Variants in HNRNPD observed in about 807,000 individuals in gnomAD.
HNRNPD encodes the protein heterogeneous nuclear ribonucleoprotein D0.
Under a neutral mutation model 47.9 loss-of-function variants are expected in HNRNPD, and 3 were observed. The observed-to-expected ratio is 0.06, with a 90% CI of 0.03 to 0.16. HNRNPD has a LOEUF of 0.16. HNRNPD is among the 10% of genes least tolerant of loss of function. HNRNPD has a pLI of 1.00. For missense variants in HNRNPD, 287 were observed against 454.2 expected, an observed-to-expected ratio of 0.63 and a Z score of 3.35; for synonymous variants, 171 against 165.1, an observed-to-expected ratio of 1.04 and a Z score of -0.28.
At chr4:82,354,809 A>C (rs1423639890) in intron 8 of HNRNPD, 1 of 152,996 alleles carries the variant, frequency 6.5e-6, no homozygotes, top group Non-Finnish European at 1.5e-5. Context: ...AATAGTTTTT[A>C]AAAAGCAAAG....
chr4:82,367,069 G>A (rs1169611362), intron 2 of HNRNPD, among the ~76,000 whole-genome samples: 1 of 125,502 alleles, frequency 8.0e-6, no homozygotes, highest in Admixed American at 8.6e-5. Flanking sequence ...GTCATATTAT[G>A]TTGCCTAGCT....
chr4:82,355,356 T>G lies in HNRNPD; in HGVS notation c.1046A>C (p.Gln349Pro). 6.2e-7 allele frequency: 1 copy of G among 1,613,840 alleles called. No homozygotes were observed. Among genetic ancestry groups the G allele is most frequent in the Non-Finnish European group, 8.5e-7 (1 of 1,179,704 alleles). ...YGKVSRRGGH[Q>P]NSYKPY is the part of the protein sequence containing the mutation. The stretch of plus-strand genomic sequence containing the variant: ...AATTTAGTATGGTTTGTAGCTATTT[T>G]GATGACCACCTCGCCTGGATACCTT... Residue 349 changes from glutamine to proline, a missense_variant, in exon 8 of 9, where the codon CAA becomes CCA. Transcript: ENST00000313899.
intron 2 of HNRNPD, among the ~76,000 whole-genome samples, chr4:82,369,051 C>T (rs1442834981): frequency 6.6e-6 from 1 of 152,188 alleles, no homozygotes; most frequent in Non-Finnish European, 1.5e-5. Flanking sequence ...GCAGGAAAGT[C>T]TATGTACCTA....
chr4:82,356,942 G>C, intron 5 of HNRNPD, 47 bp from the exon 6 acceptor site: 1 of 1,501,446 alleles, frequency 6.7e-7, no homozygotes, highest in Non-Finnish European at 9.3e-7. Context: ...GAAAATAAAA[G>C]TTGCTAAATA....
intron 2 of HNRNPD, among the ~76,000 whole-genome samples, chr4:82,365,817 G>C (rs1275252365): frequency 8.9e-6 from 1 of 112,152 alleles, no homozygotes; most frequent in Non-Finnish European, 1.7e-5. Flanking sequence ...ATCTCATCAT[G>C]TTGCCCAGGC....
chr4:82,353,103 C>T lies in HNRNPD; in HGVS notation c.*1082G>A, dbSNP rs1723568447. On this transcript the variant is annotated 3_prime_UTR_variant, in exon 9 of 9. Transcript: ENST00000313899. ...GTATCAATTCCCTGAATGCTAATAA[C>T]AGAACTCAAGAAGCTTCCAACAAAT... is the stretch of plus-strand genomic sequence containing the variant. 6.6e-6 allele frequency: 1 copy of T among 152,140 alleles called. No homozygotes were observed. The highest frequency in any genetic ancestry group is 6.6e-5 in the Admixed American group (1 of 15,264). The allele number at this position is 152,140 out of a possible 1,614,324, so 9.4% of individuals were successfully genotyped here. A position where few individuals can be genotyped will look rare whatever the true frequency, so the allele number is the denominator to read the frequency against.
intron 7 of HNRNPD, 75 bp downstream of exon 7, chr4:82,356,462 C>A: frequency 8.0e-7 from 1 of 1,256,028 alleles, no homozygotes; most frequent in Non-Finnish European, 1.1e-6. Context: ...CAAGGCTACA[C>A]TAACCTTTCT....
chr4:82,355,321 CA>C lies in HNRNPD; in HGVS notation c.*12del. 2 of 1,604,414 alleles carry C rather than the reference CA, an allele frequency of 1.2e-6. No individual in the cohort carries two copies. Among genetic ancestry groups the C allele is most frequent in the South Asian group, 2.2e-5 (2 of 90,646 alleles). On this transcript the variant is annotated 3_prime_UTR_variant, in exon 8 of 9. Coordinates refer to ENST00000313899, the MANE Select transcript of HNRNPD (RefSeq NM_031370.3). The stretch of plus-strand genomic sequence containing the variant: ...GAACATACCTGTTGGGGATAAGTTG[CA>C]AATGGAATAATTTAGTATGGTTTGT...
At chr4:82,356,331 A>G in intron 7 of HNRNPD, 1 of 493,524 alleles carries the variant, frequency 2.0e-6, no homozygotes, top group South Asian at 3.9e-5. Context: ...ACATATATAG[A>G]ACCACACATA....
At chr4:82,361,393 A>G (rs139872884) in intron 2 of HNRNPD, among the ~76,000 whole-genome samples, 82 of 152,362 alleles carry the variant, frequency 5.4e-4, no homozygotes, top group African/African-American at 1.6e-3. Context: ...TAAGATGACC[A>G]TAAGTTCCAC....
chr4:82,369,295 A>G (rs58573302), intron 2 of HNRNPD, among the ~76,000 whole-genome samples: 3,907 of 152,322 alleles, frequency 0.026, 148 homozygotes, highest in African/African-American at 0.073. Flanking sequence ...ACGGATGTTA[A>G]TGTGGGAAAG....
chr4:82,372,903 A>T (rs1720135354), intron 1 of HNRNPD, among the ~76,000 whole-genome samples: 1 of 152,234 alleles, frequency 6.6e-6, no homozygotes, highest in African/African-American at 2.4e-5. Context: ...CCAAGAAAAC[A>T]GTCGGCCTAA....
chr4:82,356,925 G>T, intron 5 of HNRNPD, 30 bp from the exon 6 acceptor site: 2 of 1,553,916 alleles, frequency 1.3e-6, no homozygotes, highest in East Asian at 4.5e-5. Context: ...TTATTAAACT[G>T]ACTCAAGAAA....
At chr4:82,372,650 T>C (rs1720112378) in intron 1 of HNRNPD, among the ~76,000 whole-genome samples, 3 of 151,356 alleles carry the variant, frequency 2.0e-5, no homozygotes, top group African/African-American at 7.3e-5. Flanking sequence ...CTCAGTGGGG[T>C]GGGGGAAGGG....
intron 2 of HNRNPD, among the ~76,000 whole-genome samples, chr4:82,370,348 T>C (rs1339781096): frequency 2.0e-5 from 3 of 152,224 alleles, no homozygotes; most frequent in Non-Finnish European, 2.9e-5. Context: ...TTTAAGTTTA[T>C]GGTCATTTCA....
intron 8 of HNRNPD, 55 bp downstream of exon 8, chr4:82,355,249 A>G (rs919788984): frequency 6.4e-6 from 6 of 934,806 alleles, no homozygotes; most frequent in Non-Finnish European, 8.6e-6. Context: ...TGAACAATAT[A>G]GATTATAAAA....
chr4:82,368,853 CTT>C (rs1302950128), intron 2 of HNRNPD, among the ~76,000 whole-genome samples: 1 of 152,178 alleles, frequency 6.6e-6, no homozygotes, highest in African/African-American at 2.4e-5. Context: ...TGAGCCTAGT[CTT>C]TTATAATCAG....
chr4:82,361,464 T>C (rs979739300), intron 2 of HNRNPD, among the ~76,000 whole-genome samples: 2 of 152,186 alleles, frequency 1.3e-5, no homozygotes, highest in Non-Finnish European at 2.9e-5. Context: ...CCATGATTAT[T>C]ACAGAAATTT....
At position 82,360,239 on chromosome 4, in the gene HNRNPD, A is replaced by C. The variant is rs114740841; in HGVS notation, c.291-600T>G. 7.8e-3 allele frequency among the ~76,000 whole-genome samples: 1,183 copies of C among 152,270 alleles called. 12 individuals are homozygous for C. Among genetic ancestry groups the C allele is most frequent in the African/African-American group, 0.027 (1,123 of 41,556 alleles). ...AAAATTATCCATTGAAGTACAATCC[A>C]CTAATTAACTTAGATGATTCGTTTA... On this transcript the variant is annotated intron_variant, in intron 2 of 8. Coordinates refer to ENST00000313899, the MANE Select transcript of HNRNPD (RefSeq NM_031370.3).
Sources: gnomAD v4.1 joint callset for allele counts (sites outside exome capture counted in the v4.1 genomes callset) on GRCh38, gnomAD v4.1.1 for gene constraint, MANE v1.5 for transcripts, NCBI Gene and HGNC (gene_info 2026-07-23, HGNC 2026-07-21) for gene names.